SYNE1: variants seen among roughly 807,000 people sequenced by gnomAD.
SYNE1 encodes spectrin repeat containing nuclear envelope protein 1.
In SYNE1, 616 loss-of-function variants were observed where a neutral mutation model predicts 1,111.0. The ratio of observed to expected loss-of-function variants is 0.55; its 90% CI spans 0.52 to 0.59. SYNE1 has a LOEUF of 0.59. Among genes scored for constraint, SYNE1 ranks in the 20% least tolerant of loss-of-function variants. SYNE1 has a pLI of 0.00. For synonymous variants in SYNE1, 3,855 were observed against 3,825.8 expected (o/e 1.01, Z -0.28); for missense variants, 10,006 against 10,417.0 (o/e 0.96, Z 1.72).
At chr6:152,624,852 A>G (rs562644475) in intron 3 of SYNE1, among the ~76,000 whole-genome samples, 2 of 152,216 alleles carry the variant, frequency 1.3e-5, no homozygotes, top group Non-Finnish European at 2.9e-5. Context: ...CCTAGAAATA[A>G]AAATTAAAAG....
intron 11 of SYNE1, among the ~76,000 whole-genome samples, chr6:152,497,556 A>G (rs1044279790): frequency 6.6e-6 from 1 of 152,182 alleles, no homozygotes. Context: ...CTGCTCACCA[A>G]CTTCTGGATT....
chr6:152,504,743 G>T (rs926086342), intron 9 of SYNE1, among the ~76,000 whole-genome samples: 6 of 152,142 alleles, frequency 3.9e-5, no homozygotes, highest in African/African-American at 1.4e-4. Flanking sequence ...ACCAAAAAAC[G>T]TGCCAAACAA....
At position 152,221,558 on chromosome 6, in the gene SYNE1, T is replaced by G; in HGVS notation, c.21524A>C (p.Asn7175Thr). 1 of 1,613,782 alleles carries G rather than the reference T, an allele frequency of 6.2e-7. No homozygotes were observed. The highest frequency in any genetic ancestry group is 8.5e-7 in the Non-Finnish European group (1 of 1,179,904). The change falls in exon 118 of 146, where the codon AAT becomes ACT. Residue 7175 changes from asparagine (N) to threonine (T), a missense_variant and splice_region_variant. By Grantham distance (65) the Asn-to-Thr change is moderately conservative. Coordinates refer to ENST00000367255, the MANE Select transcript of SYNE1 (RefSeq NM_182961.4). ...CTGTTTTTCCAGATCATCTTGGAGA[T>G]TCTGCCCCAAAAAAAAGACCCATAG... ...AVQVQVDNLQNLQDDLEKQER... is the reference protein window; with the variant it reads ...AVQVQVDNLQTLQDDLEKQER...
At chr6:152,569,672 A>G (rs1004986778) in intron 3 of SYNE1, among the ~76,000 whole-genome samples, 1 of 152,196 alleles carries the variant, frequency 6.6e-6, no homozygotes, top group African/African-American at 2.4e-5. Context: ...AAAAGAATAT[A>G]CACAAGCTGC....
At position 152,463,359 on chromosome 6, in the gene SYNE1, G is replaced by A; in HGVS notation, c.2091C>T (p.Val697=). The part of the protein sequence containing the change: ...NGRWRELFME[V]KQYAQADEMD... ...ATAGACTTGAAAGACATACTTGCTTGACTTCCATAAACAACTCCCTCCACC... is the reference window on the plus strand; with the variant it reads ...ATAGACTTGAAAGACATACTTGCTTAACTTCCATAAACAACTCCCTCCACC... The change falls in exon 19 of 146, where the codon GTC becomes GTT. Residue 697 remains valine, a synonymous_variant. Coordinates refer to ENST00000367255, the MANE Select transcript of SYNE1 (RefSeq NM_182961.4). The A allele has an allele frequency of 6.2e-7, 1 of 1,613,658 alleles. No homozygotes were observed. Among genetic ancestry groups the A allele is most frequent in the Non-Finnish European group, 8.5e-7 (1 of 1,179,712 alleles).
At chr6:152,454,372 G>A (rs998020150) in intron 24 of SYNE1, among the ~76,000 whole-genome samples, 9 of 152,290 alleles carry the variant, frequency 5.9e-5, no homozygotes, top group Non-Finnish European at 8.8e-5. Flanking sequence ...GGATTAGTGC[G>A]CTTATGAGGA....
intron 93 of SYNE1, among the ~76,000 whole-genome samples, chr6:152,297,156 T>TCTC (rs1246693035): frequency 1.3e-5 from 2 of 152,004 alleles, no homozygotes; most frequent in Non-Finnish European, 2.9e-5. Flanking sequence ...CATTTCCCCC[T>TCTC]CTCCTCCTCC....
At chr6:152,186,332 A>C (rs1376198025) in intron 128 of SYNE1, among the ~76,000 whole-genome samples, 1 of 151,976 alleles carries the variant, frequency 6.6e-6, no homozygotes, top group Non-Finnish European at 1.5e-5. Context: ...TGAGGTGGGC[A>C]GATCACCTGG....
At chr6:152,285,913 C>T (rs1257919963) in intron 95 of SYNE1, among the ~76,000 whole-genome samples, 2 of 152,106 alleles carry the variant, frequency 1.3e-5, no homozygotes, top group Non-Finnish European at 2.9e-5. Context: ...GTTGGAAAAA[C>T]AGGCTCTATC....
chr6:152,594,661 C>T (rs818452), intron 3 of SYNE1, among the ~76,000 whole-genome samples: 9,180 of 152,116 alleles, frequency 0.06, 437 homozygotes, highest in East Asian at 0.2. Flanking sequence ...AAAATAAATA[C>T]GTCCCTTGAT....
At chr6:152,412,341 G>A (rs986518444) in intron 42 of SYNE1, among the ~76,000 whole-genome samples, 6 of 151,648 alleles carry the variant, frequency 4.0e-5, no homozygotes, top group African/African-American at 7.3e-5. Flanking sequence ...GGAGAATGGC[G>A]TGAACCTGGG....
chr6:152,485,204 C>T (rs2098932857), intron 12 of SYNE1, among the ~76,000 whole-genome samples: 1 of 152,192 alleles, frequency 6.6e-6, no homozygotes, highest in African/African-American at 2.4e-5. Context: ...TTCTCTCCAT[C>T]ACCCTACACA....
intron 100 of SYNE1, among the ~76,000 whole-genome samples, chr6:152,264,799 C>T (rs2092506813): frequency 6.6e-6 from 1 of 151,782 alleles, no homozygotes; most frequent in Non-Finnish European, 1.5e-5. Context: ...GACCCTGTCT[C>T]AAGAAAAATA....
At chr6:152,612,647 T>G (rs2099634741) in intron 3 of SYNE1, among the ~76,000 whole-genome samples, 1 of 152,218 alleles carries the variant, frequency 6.6e-6, no homozygotes. Context: ...TAACTCATTT[T>G]ATGAGTCTGG....
chr6:152,211,837 C>T (rs1345664999), intron 123 of SYNE1, among the ~76,000 whole-genome samples: 2 of 152,034 alleles, frequency 1.3e-5, no homozygotes, highest in Non-Finnish European at 2.9e-5. Flanking sequence ...TTATATTTCT[C>T]TTCTTTCTTT....
chr6:152,524,107 G>A (rs75936130), intron 5 of SYNE1, among the ~76,000 whole-genome samples: 4,077 of 152,168 alleles, frequency 0.027, 206 homozygotes, highest in African/African-American at 0.094. Flanking sequence ...TGGCAAAAGT[G>A]AGCATCCTTG....
chr6:152,393,393 A>G (rs143702269), intron 51 of SYNE1, among the ~76,000 whole-genome samples: 1 of 152,226 alleles, frequency 6.6e-6, no homozygotes, highest in Non-Finnish European at 1.5e-5. Context: ...TATTGTATCT[A>G]GACACGAGTC....
intron 145 of SYNE1, among the ~76,000 whole-genome samples, chr6:152,130,148 G>A (rs887716852): frequency 1.3e-5 from 2 of 152,146 alleles, no homozygotes; most frequent in African/African-American, 4.8e-5. Context: ...TGAGTGGCTG[G>A]GTGTGCTGGA....
intron 39 of SYNE1, 121 bp downstream of exon 39, chr6:152,425,260 G>C (rs2098334516): frequency 9.6e-7 from 1 of 1,042,228 alleles, no homozygotes. Flanking sequence ...CTTCCCTTCT[G>C]TAGTTATCAG....
Sources: allele counts gnomAD v4.1 joint callset (sites outside exome capture counted in the v4.1 genomes callset), GRCh38; gene constraint gnomAD v4.1.1; transcripts MANE v1.5; gene names NCBI Gene and HGNC (gene_info 2026-07-23, HGNC 2026-07-21).